The following RDX variants were observed in gnomAD, a reference collection of about 807,000 sequenced individuals.
The protein encoded by RDX is radixin, also known as deafness, autosomal recessive 24.
A neutral mutation model predicts 83.7 loss-of-function variants in RDX; 32 were observed. The observed-to-expected ratio is 0.38, with a 90% CI of 0.29 to 0.51. The LOEUF is 0.51. Ranked by LOEUF, RDX falls within the 20% of genes least tolerant of loss-of-function variation. The pLI is 0.87. For synonymous variants in RDX, 229 were observed against 222.7 expected (o/e 1.03, Z -0.25); for missense variants, 600 against 689.9 (o/e 0.87, Z 1.46).
chr11:110,233,549 T>A, intron 12 of RDX, 70 bp from the exon 13 acceptor site: 1 of 1,506,674 alleles, frequency 6.6e-7, no homozygotes, highest in Non-Finnish European at 9.2e-7. Flanking sequence ...CAAGTTATAC[T>A]CCCTTTTTAA....
rs76718808 is a variant in RDX at position 110,248,271 on chromosome 11, C to T, written c.960-438G>A. Among the ~76,000 whole-genome samples, 724 of 151,964 alleles carry T rather than the reference C, an allele frequency of 4.8e-3. 5 individuals are homozygous for T. Among genetic ancestry groups the T allele is most frequent in the Middle Eastern group, 0.01 (3 of 294 alleles). On this transcript the variant is annotated intron_variant, in intron 9 of 13. Coordinates refer to ENST00000645495, the MANE Select transcript of RDX (RefSeq NM_002906.4). ...AATTGGAAATAGTATTCATGTGAAA[C>T]CTAAGAACTGAATCAACTAAGAAGA...
At position 110,254,094 on chromosome 11, in the gene RDX, C is replaced by T; in HGVS notation, c.811G>A (p.Ala271Thr). 6.2e-7 allele frequency: 1 copy of T among 1,613,416 alleles called. No homozygotes were observed. Among genetic ancestry groups the T allele is most frequent in the South Asian group, 1.1e-5 (1 of 91,072 alleles). The change falls in exon 9 of 14, where the codon GCA (alanine) becomes ACA (threonine). Residue 271 changes from alanine to threonine, a missense_variant. Transcript: ENST00000645495. The stretch of plus-strand genomic sequence containing the variant: ...CGCTTATTGATTCTCAGACGAGGTG[C>T]ATAAAACACAAAATCCTAAACATAA... ...DKKAPDFVFY[A>T]PRLRINKRIL...
chr11:110,288,105 T>C (rs1193175875), intron 1 of RDX, among the ~76,000 whole-genome samples: 1 of 152,236 alleles, frequency 6.6e-6, no homozygotes, highest in Admixed American at 6.5e-5. Context: ...CAGTTTTAAA[T>C]AAGATATTAA....
At position 110,205,998 on chromosome 11, in the gene RDX, G is replaced by A. The variant is rs530353882; in HGVS notation, c.1749-6320C>T. ...TAGCCAGACGCAGTGGCTCATGCCT[G>A]TAATCCCAGCACTTTGGGAGACCAA... On this transcript the variant is annotated intron_variant, in intron 14 of 15. Transcript: ENST00000528498. 9.2e-5 allele frequency among the ~76,000 whole-genome samples: 14 copies of A among 152,300 alleles called. No individual in the cohort carries two copies. In the South Asian group the frequency reaches 2.3e-3, roughly 25 times the overall value.
rs567814073 is a variant in RDX, at chr11:110,249,470, G to T, written c.960-1637C>A. ...GAGAGCTTACCTTTGGGGCAAACAG[G>T]TAGAGGTGTCACAAGTCAGCAAGAG... On this transcript the variant is annotated intron_variant, in intron 9 of 13. Coordinates refer to ENST00000645495, the MANE Select transcript of RDX (RefSeq NM_002906.4). Among the ~76,000 whole-genome samples the T allele has an allele frequency of 4.6e-5, 7 of 152,260 alleles. No homozygotes were observed. In the South Asian group the frequency reaches 1.5e-3, roughly 32 times the overall value.
downstream of RDX, among the ~76,000 whole-genome samples, chr11:110,226,167 T>C (rs1434312506): frequency 6.6e-6 from 1 of 151,958 alleles, no homozygotes; most frequent in Non-Finnish European, 1.5e-5. Context: ...GACTCTAAGA[T>C]ATTTGTACAC....
chr11:110,258,650 A>G (rs1017664620), intron 5 of RDX, among the ~76,000 whole-genome samples: 2 of 152,116 alleles, frequency 1.3e-5, no homozygotes, highest in Admixed American at 1.3e-4. Context: ...AAAATGGCTC[A>G]TTGTTAATAG....
rs1467495773 is a variant in RDX, at chr11:110,268,173, T to C, written c.97-3299A>G. Among the ~76,000 whole-genome samples the C allele has an allele frequency of 2.0e-5, 3 of 151,932 alleles. No homozygotes were observed. In the East Asian group the frequency reaches 5.8e-4, roughly 29 times the overall value. ...AAATACAAAAATTAGCCGGGCATGG[T>C]GGCAAGGGCCTGTAATCCCAGCTAC... On this transcript the variant is annotated intron_variant, in intron 3 of 13. Transcript: ENST00000645495.
exon 16 of RDX, chr11:110,175,198 C>T (rs1035918881): frequency 6.6e-6 from 1 of 152,200 alleles, no homozygotes; most frequent in Non-Finnish European, 1.5e-5. Context: ...ATTTCAGAGT[C>T]TGGACTCTTG....
intron 3 of RDX, among the ~76,000 whole-genome samples, chr11:110,267,560 AC>A (rs1860104544): frequency 6.6e-6 from 1 of 150,898 alleles, no homozygotes. Flanking sequence ...ACACACACAC[AC>A]ACACAAATAA....
chr11:110,223,527 C>CA (rs1864328631), intron 14 of RDX, among the ~76,000 whole-genome samples: 1 of 151,418 alleles, frequency 6.6e-6, no homozygotes, highest in Non-Finnish European at 1.5e-5. Context: ...GACTCTGTCT[C>CA]AAAAAAATAA....
intron 15 of RDX, among the ~76,000 whole-genome samples, chr11:110,183,867 T>C (rs935047127): frequency 1.3e-5 from 2 of 152,222 alleles, no homozygotes; most frequent in Non-Finnish European, 2.9e-5. Context: ...CCAGCTGAAA[T>C]GGCACCCTGG....
chr11:110,177,628 C>G (rs1479606636), intron 15 of RDX, among the ~76,000 whole-genome samples: 3 of 152,184 alleles, frequency 2.0e-5, no homozygotes, highest in African/African-American at 7.2e-5. Context: ...CTTGGCCTGG[C>G]CTGGGAGCTC....
At chr11:110,284,396 T>C (rs1860893410) in intron 1 of RDX, among the ~76,000 whole-genome samples, 1 of 152,214 alleles carries the variant, frequency 6.6e-6, no homozygotes, top group African/African-American at 2.4e-5. Context: ...TCTCCAGGGT[T>C]GTGGGGGTTT....
intron 14 of RDX, among the ~76,000 whole-genome samples, chr11:110,209,374 T>A (rs1244754866): frequency 6.6e-6 from 1 of 150,880 alleles, no homozygotes; most frequent in Non-Finnish European, 1.5e-5. Flanking sequence ...AGCATAGCAG[T>A]CTGAGATCAA....
Position 110,257,896 on chromosome 11 carries a change from T to C in RDX, c.569A>G (p.Glu190Gly), listed in dbSNP as rs977975801. ...TAGATCTTGTGCAATCTTCAGGTAT[T>C]CCATCATAGAATCCTCCCTGTTGAA... The part of the protein sequence containing the change: ...RGMLREDSMM[E>G]YLKIAQDLEM... Residue 190 changes from glutamate to glycine, a missense_variant, in exon 7 of 14, where the codon GAA becomes GGA. Glu to Gly is a moderately conservative substitution (Grantham distance 98, BLOSUM62 -2). Transcript: ENST00000645495. 6 of 1,612,186 alleles carry C rather than the reference T, an allele frequency of 3.7e-6. No homozygotes were observed. Among genetic ancestry groups the C allele is most frequent in the Non-Finnish European group, 5.1e-6 (6 of 1,178,526 alleles).
At position 110,272,576 on chromosome 11, in the gene RDX, G is replaced by C. The variant is rs1484699609; in HGVS notation, c.56C>G (p.Ala19Gly). 6.2e-7 allele frequency: 1 copy of C among 1,611,924 alleles called. No homozygotes were observed. The highest frequency in any genetic ancestry group is 8.5e-7 in the Non-Finnish European group (1 of 1,179,108). Reference protein sequence around the residue: ...VTTMDAELEFAIQPNTTGKQL... With the variant: ...VTTMDAELEFGIQPNTTGKQL... ...TTTGCCAGTTGTATTGGGCTGAATGGCAAATTCCAGCTCAGCATCCATTGT... is the reference window on the plus strand; with the variant it reads ...TTTGCCAGTTGTATTGGGCTGAATGCCAAATTCCAGCTCAGCATCCATTGT... The change falls in exon 3 of 14, where the codon GCC becomes GGC. Residue 19 changes from alanine (A) to glycine (G), a missense_variant. Ala to Gly is a moderately conservative substitution (Grantham distance 60). Transcript: ENST00000645495.
intron 7 of RDX, 106 bp downstream of exon 7, chr11:110,257,661 G>C (rs1050372381): frequency 8.7e-7 from 1 of 1,142,980 alleles, no homozygotes; most frequent in Non-Finnish European, 1.3e-6. Context: ...TTTGAAAATA[G>C]TAAGGGTAAT....
intron 3 of RDX, among the ~76,000 whole-genome samples, chr11:110,267,459 G>A (rs1330605494): frequency 6.6e-6 from 1 of 151,554 alleles, no homozygotes; most frequent in Admixed American, 6.6e-5. Flanking sequence ...GCTGCAGTGA[G>A]CCGAGTTCGC....
Sources: gnomAD v4.1 joint callset for allele counts (sites outside exome capture counted in the v4.1 genomes callset) on GRCh38, gnomAD v4.1.1 for gene constraint, MANE v1.5 for transcripts, NCBI Gene and HGNC (gene_info 2026-07-23, HGNC 2026-07-21) for gene names.